Variants in PAK5 observed in about 807,000 individuals in gnomAD.
PAK5 encodes p21 (RAC1) activated kinase 5.
A neutral mutation model predicts 65.9 loss-of-function variants in PAK5; 16 were observed. The observed-to-expected ratio is 0.24, with a 90% CI of 0.16 to 0.37. PAK5 has a LOEUF of 0.37. Ranked by LOEUF, PAK5 falls within the 10% of genes least tolerant of loss-of-function variation. The pLI, the probability that PAK5 is intolerant of heterozygous loss-of-function variation, is 1.00. For synonymous variants in PAK5, 371 were observed against 354.9 expected, an observed-to-expected ratio of 1.05 and a Z score of -0.51; for missense variants, 785 against 903.9, an observed-to-expected ratio of 0.87 and a Z score of 1.69.
chr20:9,670,019 G>A (rs2123363898), intron 2 of PAK5, among the ~76,000 whole-genome samples: 1 of 152,198 alleles, frequency 6.6e-6, no homozygotes, highest in Non-Finnish European at 1.5e-5. Flanking sequence ...AGAACATGCG[G>A]TGTGTGGTTT....
intron 6 of PAK5, among the ~76,000 whole-genome samples, chr20:9,558,643 TG>T: frequency 6.6e-6 from 1 of 152,194 alleles, no homozygotes; most frequent in Admixed American, 6.5e-5. Flanking sequence ...ATCCTCCCTC[TG>T]GGACCCACCC....
chr20:9,678,563 T>C (rs2047607238), intron 2 of PAK5, among the ~76,000 whole-genome samples: 2 of 152,044 alleles, frequency 1.3e-5, no homozygotes, highest in South Asian at 4.1e-4. Context: ...CGAGACTCCA[T>C]CTCAACAAAA....
intron 3 of PAK5, among the ~76,000 whole-genome samples, chr20:9,635,493 C>A (rs1275933565): frequency 6.6e-6 from 1 of 152,122 alleles, no homozygotes; most frequent in Non-Finnish European, 1.5e-5. Context: ...TCTGCTCTAC[C>A]CAACAGATGA....
At chr20:9,719,509 A>G (rs372783336) in intron 1 of PAK5, among the ~76,000 whole-genome samples, 27 of 152,232 alleles carry the variant, frequency 1.8e-4, no homozygotes, top group East Asian at 1.7e-3. Context: ...TGTGAACTAT[A>G]CTATTATCAC....
intron 3 of PAK5, among the ~76,000 whole-genome samples, chr20:9,636,210 T>C (rs945127755): frequency 1.3e-5 from 2 of 151,970 alleles, no homozygotes; most frequent in African/African-American, 2.4e-5. Context: ...GAAATAAAAC[T>C]AAGAAAAATG....
intron 9 of PAK5, among the ~76,000 whole-genome samples, chr20:9,540,357 T>G (rs1170798333): frequency 6.6e-6 from 1 of 152,194 alleles, no homozygotes; most frequent in Non-Finnish European, 1.5e-5. Context: ...GAAGCTACTT[T>G]TAGGTTTCCT....
Position 9,606,751 on chromosome 20 carries a change from T to C in PAK5, c.205-25821A>G, listed in dbSNP as rs2046462032. Among the ~76,000 whole-genome samples the C allele has an allele frequency of 2.6e-5, 4 of 152,328 alleles. No homozygotes were observed. The South Asian group carries it at 8.3e-4, about 32-fold the overall frequency. The stretch of plus-strand genomic sequence containing the variant: ...TATAACATCGTGATTCTTGATCTGA[T>C]GTGTTTCCTTTGTGAAAATGTGTTG... On this transcript the variant is annotated intron_variant, in intron 3 of 9. Transcript: ENST00000353224.
intron 7 of PAK5, among the ~76,000 whole-genome samples, chr20:9,555,429 G>A (rs1452624457): frequency 6.6e-6 from 1 of 152,090 alleles, no homozygotes; most frequent in East Asian, 1.9e-4. Flanking sequence ...TTTTGATACT[G>A]GATATGATCT....
At position 9,580,739 on chromosome 20, in the gene PAK5, G is replaced by A; in HGVS notation, c.396C>T (p.Ser132=). 1 of 1,613,950 alleles carries A rather than the reference G, an allele frequency of 6.2e-7. No homozygotes were observed. The highest frequency in any genetic ancestry group is 8.5e-7 in the Non-Finnish European group (1 of 1,179,934). The change falls in exon 4 of 10, where the codon TCC becomes TCT. Residue 132 remains serine, a synonymous_variant. Coordinates refer to ENST00000353224, the MANE Select transcript of PAK5 (RefSeq NM_177990.4). ...AGTCAGCAGTAGTATCGGATTCGCT[G>A]GAATACTGGGAGAAGGTGATGAAGC... ...ENGFITFSQY[S]SESDTTADYT...
intron 2 of PAK5, among the ~76,000 whole-genome samples, chr20:9,701,284 C>T (rs755872758): frequency 1.3e-5 from 2 of 152,166 alleles, no homozygotes; most frequent in African/African-American, 4.8e-5. Flanking sequence ...AAATGTACCA[C>T]TTACTATCAT....
intron 1 of PAK5, among the ~76,000 whole-genome samples, chr20:9,782,961 C>T (rs1460506095): frequency 6.8e-6 from 1 of 147,474 alleles, no homozygotes; most frequent in Non-Finnish European, 1.5e-5. Flanking sequence ...CGGAGTTTCG[C>T]TCTTGTTGCC....
At chr20:9,590,016 C>T (rs949899043) in intron 3 of PAK5, among the ~76,000 whole-genome samples, 3 of 151,770 alleles carry the variant, frequency 2.0e-5, no homozygotes, top group Non-Finnish European at 4.4e-5. Flanking sequence ...AAGACAAGGT[C>T]TTGCTCTGTC....
At chr20:9,612,621 C>T (rs999973670) in intron 3 of PAK5, among the ~76,000 whole-genome samples, 4 of 152,072 alleles carry the variant, frequency 2.6e-5, no homozygotes, top group African/African-American at 7.2e-5. Flanking sequence ...CTAAACCGTT[C>T]GTGAGAACTC....
chr20:9,603,067 A>G (rs1292705278), intron 3 of PAK5, among the ~76,000 whole-genome samples: 1 of 152,204 alleles, frequency 6.6e-6, no homozygotes, highest in Admixed American at 6.5e-5. Context: ...GGGAGGGACT[A>G]CTTTCAACAC....
chr20:9,811,886 C>G (rs898679432), intron 1 of PAK5, among the ~76,000 whole-genome samples: 2 of 152,190 alleles, frequency 1.3e-5, no homozygotes, highest in Non-Finnish European at 1.5e-5. Flanking sequence ...TCTTCAAACA[C>G]TGGCTTCTCT....
rs191759331 is a variant in PAK5 at position 9,544,960 on chromosome 20, A to G, written c.1744-466T>C. Among the ~76,000 whole-genome samples, 963 of 152,340 alleles carry G rather than the reference A, an allele frequency of 6.3e-3. 13 individuals carry two copies. The highest frequency in any genetic ancestry group is 0.022 in the African/African-American group (911 of 41,576). ...ATTTCTATGTACCATGAGGTGAATC[A>G]AAGAACCATCTCTTTTCTATATTTG... is the stretch of plus-strand genomic sequence containing the variant. On this transcript the variant is annotated intron_variant, in intron 7 of 9. Transcript: ENST00000353224.
chr20:9,698,941 T>A (rs2047904148), intron 2 of PAK5, among the ~76,000 whole-genome samples: 2 of 152,216 alleles, frequency 1.3e-5, no homozygotes, highest in Non-Finnish European at 2.9e-5. Context: ...ATTTTTCCTA[T>A]CTTTCCTGCA....
intron 1 of PAK5, among the ~76,000 whole-genome samples, chr20:9,771,667 T>C (rs1600354292): frequency 1.3e-5 from 2 of 150,716 alleles, no homozygotes; most frequent in African/African-American, 4.9e-5. Flanking sequence ...GTAATCCTCC[T>C]GTATCAGCCT....
At chr20:9,636,291 T>A (rs745327876) in intron 3 of PAK5, among the ~76,000 whole-genome samples, 14 of 152,172 alleles carry the variant, frequency 9.2e-5, no homozygotes, top group Non-Finnish European at 1.8e-4. Flanking sequence ...TCAGAGTAAT[T>A]AAATTAGATT....
Sources: gnomAD v4.1 joint callset for allele counts (sites outside exome capture counted in the v4.1 genomes callset) on GRCh38, gnomAD v4.1.1 for gene constraint, MANE v1.5 for transcripts, NCBI Gene and HGNC (gene_info 2026-07-23, HGNC 2026-07-21) for gene names.